FAM53A: variants seen among roughly 807,000 people sequenced by gnomAD.
FAM53A encodes family with sequence similarity 53 member A.
In FAM53A, 28 loss-of-function variants were observed where a neutral mutation model predicts 26.6. That is an observed-to-expected ratio of 1.05 (90% CI 0.78 to 1.45). The LOEUF (loss-of-function observed/expected upper bound fraction) is 1.45, where lower values mean the gene tolerates loss of function less well. Ranked by LOEUF, FAM53A falls within the 40% of genes most tolerant of loss-of-function variation. The pLI is 0.00. For missense variants in FAM53A, 650 were observed against 575.8 expected (o/e 1.13, Z -1.32); for synonymous variants, 290 against 253.1 (o/e 1.15, Z -1.38).
At chr4:1,575,469 A>G in the FAM53A span, among the ~76,000 whole-genome samples, 87 of 152,288 alleles carry the variant, frequency 5.7e-4, 1 homozygote, top group Middle Eastern at 6.8e-3. Flanking sequence ...ACCAGGGGAA[A>G]GAAAGGCAGT....
intron 2 of FAM53A, among the ~76,000 whole-genome samples, chr4:1,665,953 C>G (rs189338266): frequency 6.7e-6 from 1 of 149,176 alleles, no homozygotes; most frequent in Admixed American, 6.6e-5. Context: ...AAAACCTGCA[C>G]CTGCACCCCC....
At chr4:1,608,233 C>T in the FAM53A span, among the ~76,000 whole-genome samples, 3 of 152,134 alleles carry the variant, frequency 2.0e-5, no homozygotes, top group South Asian at 2.1e-4. Context: ...CCGGCCTCTC[C>T]GATCTTCTAT....
Position 1,630,758 on chromosome 4 carries a change from G to A in FAM53A, c.432-12647C>T, listed in dbSNP as rs1008422726. ...GGGGAGGCTGCCAGGGCAGGGCAGG[G>A]TGGGGAGCGCCCACTCGTGGGGAGG... On this transcript the variant is annotated intron_variant, in intron 1 of 1. Transcript: ENST00000489029. The surrounding 1 kb of genome is among the most constrained non-coding windows in gnomAD (Gnocchi z 4.3). Among the ~76,000 whole-genome samples the A allele has an allele frequency of 2.6e-5, 4 of 152,152 alleles. No individual in the cohort carries two copies. Among genetic ancestry groups the A allele is most frequent in the African/African-American group, 7.2e-5 (3 of 41,438 alleles).
At chr4:1,624,855 G>C (rs1219144523) in intron 1 of FAM53A, among the ~76,000 whole-genome samples, 2 of 151,584 alleles carry the variant, frequency 1.3e-5, no homozygotes, top group Admixed American at 6.6e-5. Flanking sequence ...GCATCAGAAG[G>C]TCCTATGTCC....
At chr4:1,666,609 T>C (rs573622963) in intron 2 of FAM53A, among the ~76,000 whole-genome samples, 1 of 152,330 alleles carries the variant, frequency 6.6e-6, no homozygotes, top group African/African-American at 2.4e-5. Flanking sequence ...TTGCCAAAAA[T>C]GTCCTCAGAG....
intron 1 of FAM53A, among the ~76,000 whole-genome samples, chr4:1,681,924 A>C (rs1715465888): frequency 6.6e-6 from 1 of 152,226 alleles, no homozygotes; most frequent in East Asian, 1.9e-4. Flanking sequence ...TGTGAGGTAA[A>C]GAACACAAGG....
At chr4:1,575,744 A>G in the FAM53A span, among the ~76,000 whole-genome samples, 1 of 152,056 alleles carries the variant, frequency 6.6e-6, no homozygotes, top group East Asian at 1.9e-4. Flanking sequence ...TCCTTGCCAG[A>G]GAGCAGGAGC....
At chr4:1,665,946 A>G (rs1252589640) in intron 2 of FAM53A, among the ~76,000 whole-genome samples, 6 of 148,872 alleles carry the variant, frequency 4.0e-5, no homozygotes, top group Admixed American at 6.7e-5. Context: ...CTAAAATAAA[A>G]CCTGCACCTG....
At chr4:1,679,765 G>A (rs1285871511) in intron 1 of FAM53A, among the ~76,000 whole-genome samples, 1 of 150,712 alleles carries the variant, frequency 6.6e-6, no homozygotes, top group East Asian at 2.0e-4. Flanking sequence ...CTCACCAACT[G>A]GGGCCGGGTG....
Position 1,655,536 on chromosome 4 carries a change from G to A in FAM53A, c.324C>T (p.Ser108=). ...GAASTVDPSE[S]TGSSTAPPTK... ...TCGGTGGGGCCGTGGACGAGCCTGTGCTTTCACTGGGGTCCACGGTGCTGG... is the reference window on the plus strand; with the variant it reads ...TCGGTGGGGCCGTGGACGAGCCTGTACTTTCACTGGGGTCCACGGTGCTGG... Residue 108 remains serine (S), a synonymous_variant, in exon 4 of 5, where the codon AGC becomes AGT. Transcript: ENST00000308132. The A allele has an allele frequency of 6.4e-7, 1 of 1,566,778 alleles. No homozygotes were observed. Among genetic ancestry groups the A allele is most frequent in the South Asian group, 1.2e-5 (1 of 86,266 alleles).
chr4:1,673,423 A>G (rs1236429786), intron 1 of FAM53A, among the ~76,000 whole-genome samples: 2 of 152,218 alleles, frequency 1.3e-5, no homozygotes, highest in African/African-American at 4.8e-5. Context: ...TCACACGCTC[A>G]TAACTCACAG....
chr4:1,592,776 T>C, the FAM53A span, among the ~76,000 whole-genome samples: 2 of 152,060 alleles, frequency 1.3e-5, no homozygotes, highest in African/African-American at 2.4e-5. Context: ...GCCCCTGCCA[T>C]CGCTGCCCAC....
At chr4:1,623,460 C>T (rs933246824) in intron 1 of FAM53A, among the ~76,000 whole-genome samples, 22 of 152,034 alleles carry the variant, frequency 1.4e-4, no homozygotes, top group Non-Finnish European at 2.2e-4. Flanking sequence ...CCCCCGGGCT[C>T]GCCAGCGCTT....
intron 4 of FAM53A, chr4:1,645,009 T>C (rs577059520): frequency 2.6e-5 from 4 of 152,444 alleles, no homozygotes; most frequent in Non-Finnish European, 4.4e-5. Context: ...CCATCCACCA[T>C]GTGGGAGGGG....
At chr4:1,594,075 C>T in the FAM53A span, among the ~76,000 whole-genome samples, 2 of 148,826 alleles carry the variant, frequency 1.3e-5, no homozygotes, top group African/African-American at 2.6e-5. Flanking sequence ...CAGGGAGGGG[C>T]GCCGCGGGCC....
At chr4:1,614,165 G>A (rs1714722346), downstream of FAM53A, among the ~76,000 whole-genome samples, 2 of 152,186 alleles carry the variant, frequency 1.3e-5, no homozygotes, top group Admixed American at 6.5e-5. Context: ...GCAAGGACAG[G>A]AGGATTGGGG....
the FAM53A span, among the ~76,000 whole-genome samples, chr4:1,580,864 T>C: frequency 5.7e-5 from 1 of 17,634 alleles, no homozygotes; most frequent in Admixed American, 8.8e-4. Context: ...CGGCTCCCAC[T>C]CAGGGCCCCG....
At chr4:1,644,962 TA>T (rs1291386356) in intron 4 of FAM53A, 1 of 152,350 alleles carries the variant, frequency 6.6e-6, no homozygotes, top group African/African-American at 2.4e-5. Flanking sequence ...TTTGTCAAAC[TA>T]AAACACGGGT....
chr4:1,601,509 G>A, the FAM53A span, among the ~76,000 whole-genome samples: 16,913 of 110,664 alleles, frequency 0.15, 5,769 homozygotes, highest in African/African-American at 0.41. Flanking sequence ...TGCCCCTCCC[G>A]GGTGCACTGC....
Sources: gnomAD v4.1 joint callset for allele counts (sites outside exome capture counted in the v4.1 genomes callset) on GRCh38, gnomAD v4.1.1 for gene constraint, Gnocchi (gnomAD v3.1) non-coding constraint, MANE v1.5 for transcripts, NCBI Gene and HGNC (gene_info 2026-07-23, HGNC 2026-07-21) for gene names.